SPOP: variants seen among roughly 807,000 people sequenced by gnomAD.
SPOP encodes speckle-type POZ protein.
A neutral mutation model predicts 45.6 loss-of-function variants in SPOP; 11 were observed. The observed-to-expected ratio is 0.24, with a 90% CI of 0.15 to 0.40. The LOEUF (loss-of-function observed/expected upper bound fraction) is 0.40. SPOP is among the 10% of genes least tolerant of loss of function. SPOP has a pLI of 1.00. For missense variants in SPOP, 152 were observed against 465.6 expected, an observed-to-expected ratio of 0.33 and a Z score of 6.20; for synonymous variants, 166 against 166.3, an observed-to-expected ratio of 1.00 and a Z score of 0.01.
intron 1 of SPOP, among the ~76,000 whole-genome samples, chr17:49,676,792 T>C (rs982036590): frequency 1.3e-5 from 2 of 152,246 alleles, no homozygotes; most frequent in Non-Finnish European, 1.5e-5. Flanking sequence ...GGGCCACATA[T>C]AATCGCTAAC....
intron 1 of SPOP, among the ~76,000 whole-genome samples, chr17:49,657,930 T>C (rs1268230641): frequency 2.6e-5 from 4 of 151,888 alleles, no homozygotes; most frequent in Non-Finnish European, 5.9e-5. Context: ...CTCAATCTCC[T>C]GACCTCATGA....
chr17:49,617,868 G>A (rs2072121054), intron 5 of SPOP, among the ~76,000 whole-genome samples: 1 of 148,802 alleles, frequency 6.7e-6, no homozygotes, highest in African/African-American at 2.5e-5. Flanking sequence ...AGGTTGCAGT[G>A]AGCCAAGGTT....
At chr17:49,602,145 TG>T in intron 8 of SPOP, 138 bp from the exon 9 acceptor site, 1 of 914,596 alleles carries the variant, frequency 1.1e-6, no homozygotes, top group South Asian at 2.2e-5. Flanking sequence ...AAGCTACTAC[TG>T]CAATGATAAA....
Position 49,607,861 on chromosome 17 carries a change from T to A in SPOP, c.714+13A>T. The A allele has an allele frequency of 1.9e-6, 3 of 1,610,048 alleles. No homozygotes were observed. The highest frequency in any genetic ancestry group is 2.2e-5 in the East Asian group (1 of 44,730). ...ACCTGGCTAAACAGACATGTCTTCA[T>A]CTTGTTACATACCTTTTTGCTCTCC... On this transcript the variant is annotated intron_variant, in intron 7 of 9. Coordinates refer to ENST00000504102, the MANE Select transcript of SPOP (RefSeq NM_001007228.2).
chr17:49,651,399 C>T (rs1052651734), intron 1 of SPOP, among the ~76,000 whole-genome samples: 1 of 152,208 alleles, frequency 6.6e-6, no homozygotes, highest in Non-Finnish European at 1.5e-5. Context: ...AATTCCACTG[C>T]TCAGTCTATA....
At chr17:49,628,761 C>T (rs1050892244) in intron 1 of SPOP, among the ~76,000 whole-genome samples, 1 of 152,230 alleles carries the variant, frequency 6.6e-6, no homozygotes, top group African/African-American at 2.4e-5. Flanking sequence ...ACCTGTAATG[C>T]TGTCGTGATG....
intron 1 of SPOP, among the ~76,000 whole-genome samples, chr17:49,631,511 A>T (rs939289839): frequency 6.6e-6 from 1 of 152,228 alleles, no homozygotes; most frequent in Non-Finnish European, 1.5e-5. Context: ...AAAATTTAAA[A>T]AGGAATTAGC....
intron 1 of SPOP, among the ~76,000 whole-genome samples, chr17:49,632,239 G>A (rs901911916): frequency 6.6e-6 from 1 of 152,148 alleles, no homozygotes; most frequent in African/African-American, 2.4e-5. Context: ...AAACTATCAA[G>A]TCACTCCAAC....
At chr17:49,629,072 T>C (rs2072398555) in intron 1 of SPOP, among the ~76,000 whole-genome samples, 1 of 151,092 alleles carries the variant, frequency 6.6e-6, no homozygotes, top group Admixed American at 6.6e-5. Context: ...CGAAACCCCG[T>C]CTCTACTAAA....
At chr17:49,643,949 G>C (rs199880384) in intron 1 of SPOP, among the ~76,000 whole-genome samples, 1 of 143,904 alleles carries the variant, frequency 6.9e-6, no homozygotes, top group Non-Finnish European at 1.5e-5. Context: ...AAAAAAAAAA[G>C]AAAGTATTCT....
chr17:49,634,023 A>G (rs900238256), intron 1 of SPOP, among the ~76,000 whole-genome samples: 26 of 152,108 alleles, frequency 1.7e-4, no homozygotes, highest in Non-Finnish European at 3.1e-4. Flanking sequence ...GCTTAAAAAA[A>G]AAAAAAACAG....
At chr17:49,611,900 T>TC (rs2071982556) in intron 5 of SPOP, among the ~76,000 whole-genome samples, 1 of 151,780 alleles carries the variant, frequency 6.6e-6, no homozygotes, top group Admixed American at 6.6e-5. Context: ...TTTTTTTTTT[T>TC]GAGACAGAGT....
intron 1 of SPOP, among the ~76,000 whole-genome samples, chr17:49,672,613 G>T (rs2143583063): frequency 6.6e-6 from 1 of 152,272 alleles, no homozygotes; most frequent in African/African-American, 2.4e-5. Flanking sequence ...TCCCATAAGT[G>T]ATATATTCTA....
chr17:49,610,623 G>A (rs1427837813), intron 6 of SPOP, among the ~76,000 whole-genome samples: 2 of 152,212 alleles, frequency 1.3e-5, no homozygotes, highest in Non-Finnish European at 2.9e-5. Flanking sequence ...TAGAATGACG[G>A]AGCGGAGGGT....
chr17:49,657,434 T>C lies in SPOP; in HGVS notation c.-67+20499A>G, dbSNP rs193197270. ...TCTTTCTTGAGATGTAGTCTTGCAC[T>C]GTCACCCAGGCTGGAGTACAATGGC... On this transcript the variant is annotated intron_variant, in intron 1 of 9. Coordinates refer to ENST00000504102, the MANE Select transcript of SPOP (RefSeq NM_001007228.2). Among the ~76,000 whole-genome samples, 6 of 152,270 alleles carry C rather than the reference T, an allele frequency of 3.9e-5. No homozygotes were observed. In the East Asian group the frequency reaches 1.2e-3, roughly 29 times the overall value.
intron 1 of SPOP, among the ~76,000 whole-genome samples, chr17:49,649,939 T>C (rs1286054927): frequency 6.6e-6 from 1 of 152,044 alleles, no homozygotes; most frequent in Non-Finnish European, 1.5e-5. Flanking sequence ...TTGCTCAGGC[T>C]GGAGTACAAT....
chr17:49,600,837 A>C lies in SPOP; in HGVS notation c.981-315T>G. ...GGTGATGCTAGTCATAAAAAGGAGC[A>C]TGGGCTCCCTCGGCCAGAAGCCCTG... On this transcript the variant is annotated intron_variant, in intron 9 of 9. Coordinates refer to ENST00000504102, the MANE Select transcript of SPOP (RefSeq NM_001007228.2). The surrounding 1 kb of genome is among the most constrained non-coding windows in gnomAD (Gnocchi z 4.2). 1 of 264,338 alleles carries C rather than the reference A, an allele frequency of 3.8e-6. No homozygotes were observed. The highest frequency in any genetic ancestry group is 7.4e-6 in the Non-Finnish European group (1 of 134,732). 16.4% of individuals were successfully genotyped at this position (264,338 alleles called of 1,614,324 possible).
At chr17:49,645,321 A>G (rs1442089054) in intron 1 of SPOP, among the ~76,000 whole-genome samples, 2 of 150,950 alleles carry the variant, frequency 1.3e-5, no homozygotes, top group African/African-American at 2.4e-5. Flanking sequence ...TTTTTTTGAG[A>G]CGGGGTCTCC....
intron 1 of SPOP, among the ~76,000 whole-genome samples, chr17:49,677,063 A>T (rs1007963336): frequency 4.6e-5 from 7 of 152,232 alleles, no homozygotes; most frequent in Non-Finnish European, 7.3e-5. Context: ...ACAAAGTAAG[A>T]AGGCCGGTGC....
Sources: gnomAD v4.1 joint callset for allele counts (sites outside exome capture counted in the v4.1 genomes callset) on GRCh38, gnomAD v4.1.1 for gene constraint, Gnocchi (gnomAD v3.1) non-coding constraint, MANE v1.5 for transcripts, NCBI Gene and HGNC (gene_info 2026-07-23, HGNC 2026-07-21) for gene names.